VSX2: variants seen among roughly 807,000 people sequenced by gnomAD.
The protein encoded by VSX2 is visual system homeobox 2, also known as ceh-10 homeo domain containing homolog.
A neutral mutation model predicts 32.1 loss-of-function variants in VSX2; 28 were observed. The observed-to-expected ratio is 0.87, with a 90% confidence interval of 0.65 to 1.20. The LOEUF (loss-of-function observed/expected upper bound fraction) is 1.20, where lower values mean the gene tolerates loss of function less well. Among genes scored for constraint, VSX2 ranks in the 50% most tolerant of loss-of-function variants. The probability of loss-of-function intolerance (pLI) is 0.00; values close to 1 mark genes in which losing one functional copy is unlikely to be tolerated. For synonymous variants in VSX2, 243 were observed against 214.1 expected, an observed-to-expected ratio of 1.14 and a Z score of -1.18; for missense variants, 506 against 488.7, an observed-to-expected ratio of 1.04 and a Z score of -0.33.
chr14:74,244,296 G>A (rs1337809251), intron 2 of VSX2, among the ~76,000 whole-genome samples: 34 of 152,172 alleles, frequency 2.2e-4, no homozygotes, highest in Admixed American at 2.2e-3. Flanking sequence ...CTCTCAGGGT[G>A]GCCCGAATGG....
chr14:74,253,520 G>A (rs2079242565), intron 3 of VSX2, among the ~76,000 whole-genome samples: 1 of 152,246 alleles, frequency 6.6e-6, no homozygotes, highest in Non-Finnish European at 1.5e-5. Context: ...TCAGGCCAGT[G>A]TGTTTCAGTT....
chr14:74,253,468 A>AGCAAAGCTTGTTGCACATCT (rs1167239146), intron 3 of VSX2, among the ~76,000 whole-genome samples: 1 of 152,274 alleles, frequency 6.6e-6, no homozygotes, highest in Non-Finnish European at 1.5e-5. Flanking sequence ...TTTGCTAGAA[A>AGCAAAGCTTGTTGCACATCT]GCAAAGCTTG....
intron 4 of VSX2, among the ~76,000 whole-genome samples, chr14:74,260,173 T>A (rs10144586): frequency 0.31 from 46,436 of 152,044 alleles, 7,613 homozygotes; most frequent in East Asian, 0.64. Flanking sequence ...CCATTCTGCT[T>A]AGCCCAAAGG....
intron 3 of VSX2, among the ~76,000 whole-genome samples, chr14:74,251,077 G>A (rs2139639369): frequency 6.6e-6 from 1 of 152,036 alleles, no homozygotes; most frequent in African/African-American, 2.4e-5. Context: ...CACTTTGGGA[G>A]GCCGAGGCGG....
chr14:74,256,133 G>A (rs1392130193), intron 3 of VSX2, among the ~76,000 whole-genome samples: 1 of 152,084 alleles, frequency 6.6e-6, no homozygotes, highest in East Asian at 1.9e-4. Flanking sequence ...TTTTGCCATT[G>A]AAAGTAATTA....
chr14:74,243,886 T>A (rs2079167556), intron 2 of VSX2, among the ~76,000 whole-genome samples: 1 of 151,688 alleles, frequency 6.6e-6, no homozygotes, highest in Non-Finnish European at 1.5e-5. Flanking sequence ...GGCCCAGCAA[T>A]AAGGGATTCT....
chr14:74,240,586 C>T (rs943516474), intron 1 of VSX2, among the ~76,000 whole-genome samples: 3 of 152,182 alleles, frequency 2.0e-5, no homozygotes, highest in Admixed American at 2.0e-4. Flanking sequence ...TGTCGCGGCC[C>T]GCTCGAACCT....
intron 3 of VSX2, among the ~76,000 whole-genome samples, chr14:74,254,293 C>T (rs1159674466): frequency 6.6e-6 from 1 of 152,148 alleles, no homozygotes; most frequent in East Asian, 1.9e-4. Flanking sequence ...TGCCTGTAAT[C>T]CCAGCTACTT....
chr14:74,250,495 C>T (rs2079221398), intron 3 of VSX2, among the ~76,000 whole-genome samples: 1 of 152,142 alleles, frequency 6.6e-6, no homozygotes, highest in Non-Finnish European at 1.5e-5. Context: ...CATTTCACCC[C>T]TCTTAGAAGT....
intron 2 of VSX2, among the ~76,000 whole-genome samples, chr14:74,244,600 AG>A (rs1302898001): frequency 4.6e-5 from 7 of 152,032 alleles, no homozygotes; most frequent in Non-Finnish European, 1.0e-4. Flanking sequence ...TGACTGTGAG[AG>A]GGGCCCAGGA....
intron 3 of VSX2, among the ~76,000 whole-genome samples, chr14:74,246,472 T>C (rs1385821437): frequency 6.6e-6 from 1 of 152,262 alleles, no homozygotes; most frequent in Non-Finnish European, 1.5e-5. Context: ...GTTTTAGACA[T>C]TGACACTAAC....
rs141953187 is a variant in VSX2 at position 74,249,699 on chromosome 14, C to T, written c.579+4411C>T. Reference sequence around the variant, plus strand: ...GGATTCAAACCCAGTACTCAGCTACCGTGACATGAGATCCTATGAGATAGA... The same window carrying T: ...GGATTCAAACCCAGTACTCAGCTACTGTGACATGAGATCCTATGAGATAGA... On this transcript the variant is annotated intron_variant, in intron 3 of 4. Transcript: ENST00000261980. Among the ~76,000 whole-genome samples, 200 of 152,220 alleles carry T rather than the reference C, an allele frequency of 1.3e-3. 1 individual carries two copies. Among genetic ancestry groups the T allele is most frequent in the African/African-American group, 4.6e-3 (191 of 41,524 alleles).
At chr14:74,257,964 G>C (rs1414601383) in intron 3 of VSX2, among the ~76,000 whole-genome samples, 3 of 152,106 alleles carry the variant, frequency 2.0e-5, no homozygotes, top group African/African-American at 4.8e-5. Context: ...CAATCAAGTC[G>C]GAGGAGATTG....
rs1467812526 is a variant in VSX2, at chr14:74,239,930, G to C, written c.369G>C (p.Ser123=). The C allele has an allele frequency of 6.4e-7, 1 of 1,562,090 alleles. No homozygotes were observed. The highest frequency in any genetic ancestry group is 2.4e-5 in the East Asian group (1 of 42,280). ...GPLDTSQTAS[S]DSEDVSSSDR... ...TGGACACCAGCCAGACGGCCAGCTC[G>C]GGTAGGTGAGGAGAGGTTGCGCTGC... Residue 123 remains serine (S), a splice_region_variant and synonymous_variant, in exon 1 of 5, where the codon TCG becomes TCC. Transcript: ENST00000261980.
intron 2 of VSX2, among the ~76,000 whole-genome samples, chr14:74,242,620 T>C (rs77642188): frequency 1.5e-5 from 2 of 133,666 alleles, no homozygotes; most frequent in African/African-American, 6.2e-5. Context: ...CTTTGGTCTT[T>C]TTTTTTTTTT....
At chr14:74,242,906 G>C (rs930226745) in intron 2 of VSX2, among the ~76,000 whole-genome samples, 1 of 152,164 alleles carries the variant, frequency 6.6e-6, no homozygotes, top group Non-Finnish European at 1.5e-5. Context: ...ATGGCACTTA[G>C]TGACCGTCTG....
intron 3 of VSX2, among the ~76,000 whole-genome samples, chr14:74,246,750 A>G (rs764477937): frequency 6.6e-6 from 1 of 152,142 alleles, no homozygotes; most frequent in Non-Finnish European, 1.5e-5. Flanking sequence ...GGCAGGCCCC[A>G]CATTTGCGGT....
At chr14:74,259,484 C>T (rs926240874) in intron 3 of VSX2, 118 bp from the exon 4 acceptor site, 83 of 1,228,206 alleles carry the variant, frequency 6.8e-5, no homozygotes, top group South Asian at 4.7e-4. Flanking sequence ...ATGGAGTAGG[C>T]GAGCTTAGGT....
rs565838448 is a variant in VSX2, at chr14:74,239,508, G to C, written c.-54G>C. 48 of 1,549,054 alleles carry C rather than the reference G, an allele frequency of 3.1e-5. No homozygotes were observed. The highest frequency in any genetic ancestry group is 7.8e-5 in the Admixed American group (4 of 50,992). On this transcript the variant is annotated 5_prime_UTR_variant, in exon 1 of 5. Coordinates refer to ENST00000261980, the MANE Select transcript of VSX2 (RefSeq NM_182894.3). The stretch of plus-strand genomic sequence containing the variant: ...CTTCGCGAAGCGGGAAGCCCGGCGG[G>C]GGGGTGGGGGGAGCTAAAGACCTGC...
Sources: gnomAD v4.1 joint callset for allele counts (sites outside exome capture counted in the v4.1 genomes callset) on GRCh38, gnomAD v4.1.1 for gene constraint, MANE v1.5 for transcripts, NCBI Gene and HGNC (gene_info 2026-07-23, HGNC 2026-07-21) for gene names.